CALHM4: variants seen among roughly 807,000 people sequenced by gnomAD.
CALHM4 encodes calcium homeostasis modulator protein 4.
A neutral mutation model predicts 13.3 loss-of-function variants in CALHM4; 16 were observed. The observed-to-expected ratio is 1.20, with a 90% CI of 0.81 to 1.82. The LOEUF (loss-of-function observed/expected upper bound fraction) is 1.82, where lower values mean the gene tolerates loss of function less well. Ranked by LOEUF, CALHM4 falls within the 40% of genes most tolerant of loss-of-function variation. CALHM4 has a pLI of 0.00. For missense variants in CALHM4, 344 were observed against 374.9 expected, an observed-to-expected ratio of 0.92 and a Z score of 0.68; for synonymous variants, 127 against 137.1, an observed-to-expected ratio of 0.93 and a Z score of 0.52.
rs543445640 is a variant in CALHM4 at position 116,534,231 on chromosome 6, G to A, written c.-109+5041G>A. 5.9e-5 allele frequency among the ~76,000 whole-genome samples: 9 copies of A among 152,104 alleles called. No individual in the cohort carries two copies. The South Asian group carries it at 8.3e-4, about 14-fold the overall frequency. On this transcript the variant is annotated intron_variant, in intron 1 of 2. Coordinates refer to the CALHM4 transcript ENST00000368597. ...CTCCTGACTGAAACCTCTCTGGCTC[G>A]CCTTCCAAGCTGTGGGACTCCCCTC...
chr6:116,533,000 G>A (rs543704896), intron 1 of CALHM4, among the ~76,000 whole-genome samples: 1 of 152,260 alleles, frequency 6.6e-6, no homozygotes, highest in East Asian at 1.9e-4. Flanking sequence ...TTAATTTAAA[G>A]CCTATGAGAC....
intron 1 of CALHM4, among the ~76,000 whole-genome samples, chr6:116,556,441 G>A (rs1040781089): frequency 1.3e-5 from 2 of 152,176 alleles, no homozygotes; most frequent in African/African-American, 4.8e-5. Flanking sequence ...TTGTTTATAG[G>A]TTAATGGGCA....
intron 1 of CALHM4, among the ~76,000 whole-genome samples, chr6:116,533,902 A>C (rs1207167425): frequency 1.3e-5 from 2 of 152,128 alleles, no homozygotes; most frequent in African/African-American, 4.8e-5. Context: ...CTTACACCCT[A>C]ATGTGAGTTT....
upstream of CALHM4, among the ~76,000 whole-genome samples, chr6:116,549,679 T>C (rs1005613183): frequency 6.6e-6 from 1 of 151,696 alleles, no homozygotes; most frequent in Non-Finnish European, 1.5e-5. Context: ...AAAAGTATAT[T>C]AAAAATATCT....
chr6:116,553,889 A>T lies in CALHM4; in HGVS notation c.96A>T (p.Gln32His). The T allele has an allele frequency of 6.5e-7, 1 of 1,549,852 alleles. No individual in the cohort carries two copies. Among genetic ancestry groups the T allele is most frequent in the Non-Finnish European group, 8.7e-7 (1 of 1,146,424 alleles). ...CAGCCTTGACTATTGGTGGGCAACA[A>T]CTCTTCTCCTCTTCTACATTCAGCT... ...LIAALTIGGQQLFSSSTFSCP... is the reference protein window; with the variant it reads ...LIAALTIGGQHLFSSSTFSCP... The change falls in exon 1 of 2, where the codon CAA (glutamine) becomes CAT (histidine). Residue 32 changes from glutamine to histidine, a missense_variant. Gln to His is a conservative substitution (Grantham distance 24). Transcript: ENST00000368596.
intron 1 of CALHM4, among the ~76,000 whole-genome samples, chr6:116,538,395 T>C (rs986709516): frequency 2.0e-5 from 3 of 152,260 alleles, no homozygotes; most frequent in Non-Finnish European, 4.4e-5. Context: ...AGGTTGTATA[T>C]GCCTCTACTT....
At chr6:116,555,169 A>G (rs1016920805) in intron 1 of CALHM4, among the ~76,000 whole-genome samples, 1 of 152,236 alleles carries the variant, frequency 6.6e-6, no homozygotes, top group African/African-American at 2.4e-5. Flanking sequence ...TACTATCAAG[A>G]CACAGAATAT....
chr6:116,554,445 C>T, intron 1 of CALHM4, 94 bp downstream of exon 1: 1 of 1,076,144 alleles, frequency 9.3e-7, no homozygotes, highest in South Asian at 1.7e-5. Context: ...CTTATATTCT[C>T]TGATTATAGA....
chr6:116,539,000 G>A (rs776892437), intron 1 of CALHM4, among the ~76,000 whole-genome samples: 2 of 151,916 alleles, frequency 1.3e-5, no homozygotes, highest in Non-Finnish European at 2.9e-5. Context: ...TAAGCTAATG[G>A]GATGAATTTT....
upstream of CALHM4, among the ~76,000 whole-genome samples, chr6:116,549,060 G>A (rs958776730): frequency 1.3e-5 from 2 of 152,152 alleles, no homozygotes; most frequent in Non-Finnish European, 2.9e-5. Context: ...CGAGGTCGGT[G>A]GATCACCTGA....
intron 1 of CALHM4, among the ~76,000 whole-genome samples, chr6:116,530,883 T>C (rs1056912179): frequency 8.1e-6 from 1 of 123,224 alleles, no homozygotes; most frequent in African/African-American, 3.1e-5. Flanking sequence ...AGCAGAAGGT[T>C]CATAGATAAA....
upstream of CALHM4, among the ~76,000 whole-genome samples, chr6:116,550,011 T>C (rs867106942): frequency 1.3e-5 from 1 of 75,682 alleles, no homozygotes; most frequent in Non-Finnish European, 2.9e-5. Flanking sequence ...TATATATATA[T>C]ATATATATAT....
chr6:116,550,009 TATATATATATATATATACACACAC>T (rs1773992522), upstream of CALHM4, among the ~76,000 whole-genome samples: 1 of 122,124 alleles, frequency 8.2e-6, no homozygotes, highest in Non-Finnish European at 1.7e-5. Flanking sequence ...TATATATATA[TATATATATATATATATACACACAC>T]ACACACACAC....
chr6:116,535,828 C>T (rs1481594521), intron 1 of CALHM4, among the ~76,000 whole-genome samples: 1 of 152,072 alleles, frequency 6.6e-6, no homozygotes, highest in African/African-American at 2.4e-5. Flanking sequence ...GTGGAAAAAA[C>T]ACTAGAATAA....
At chr6:116,542,833 C>T (rs1157286156) in intron 1 of CALHM4, among the ~76,000 whole-genome samples, 6 of 152,040 alleles carry the variant, frequency 3.9e-5, no homozygotes, top group Admixed American at 3.9e-4. Context: ...TTCACAATTC[C>T]TATTTTCTCC....
At chr6:116,556,350 T>A (rs1363816147) in intron 1 of CALHM4, among the ~76,000 whole-genome samples, 1 of 152,248 alleles carries the variant, frequency 6.6e-6, no homozygotes, top group East Asian at 1.9e-4. Flanking sequence ...AATGCATCTT[T>A]AATTATTCAC....
At position 116,560,781 on chromosome 6, in the gene CALHM4, T is replaced by C. The variant is rs1385301866; in HGVS notation, c.*2570T>C. Among the ~76,000 whole-genome samples the C allele has an allele frequency of 6.6e-6, 1 of 152,182 alleles. No homozygotes were observed. The highest frequency in any genetic ancestry group is 1.5e-5 in the Non-Finnish European group (1 of 68,034). Reference sequence around the variant, plus strand: ...ATTTATGTAATTATAAAACATATAATTAAAGTCAATTATGTGCTAATACTA... The same window carrying C: ...ATTTATGTAATTATAAAACATATAACTAAAGTCAATTATGTGCTAATACTA... On this transcript the variant is annotated 3_prime_UTR_variant, in exon 2 of 2. Coordinates refer to ENST00000368596, the MANE Select transcript of CALHM4 (RefSeq NM_001366078.2).
At chr6:116,540,378 T>C in intron 1 of CALHM4, 1 of 1,551,150 alleles carries the variant, frequency 6.4e-7, no homozygotes, top group Non-Finnish European at 8.7e-7. Context: ...CAATTATGTC[T>C]ATAATTTCTG....
At position 116,558,458 on chromosome 6, in the gene CALHM4, T is replaced by C; in HGVS notation, c.*247T>C. The C allele has an allele frequency of 2.3e-6, 1 of 437,574 alleles. No homozygotes were observed. Among genetic ancestry groups the C allele is most frequent in the Non-Finnish European group, 4.0e-6 (1 of 246,978 alleles). 27.1% of individuals were successfully genotyped at this position (437,574 alleles called of 1,614,324 possible). Reference sequence around the variant, plus strand: ...ATGTGAAGTCACATGGAAATTTGCATCTTAGTTCTGTTACTTAGTAGCTGT... The same window carrying C: ...ATGTGAAGTCACATGGAAATTTGCACCTTAGTTCTGTTACTTAGTAGCTGT... On this transcript the variant is annotated 3_prime_UTR_variant, in exon 2 of 2. Transcript: ENST00000368596.
Sources: gnomAD v4.1 joint callset for allele counts (sites outside exome capture counted in the v4.1 genomes callset) on GRCh38, gnomAD v4.1.1 for gene constraint, MANE v1.5 for transcripts, NCBI Gene and HGNC (gene_info 2026-07-23, HGNC 2026-07-21) for gene names.